INTS13: variants seen among roughly 807,000 people sequenced by gnomAD.
The protein encoded by INTS13 is integrator complex subunit 13, also known as asunder, spermatogenesis regulator homolog (Drosphila).
Under a neutral mutation model 90.2 loss-of-function variants are expected in INTS13, and 35 were observed. The ratio of observed to expected loss-of-function variants is 0.39; its 90% CI spans 0.30 to 0.51. The LOEUF (loss-of-function observed/expected upper bound fraction) is 0.51. INTS13 is among the 20% of genes least tolerant of loss of function. The pLI is 0.80. For synonymous variants in INTS13, 309 were observed against 277.1 expected, an observed-to-expected ratio of 1.11 and a Z score of -1.14; for missense variants, 601 against 851.2, an observed-to-expected ratio of 0.71 and a Z score of 3.66.
intron 2 of INTS13, 82 bp from the exon 3 acceptor site, chr12:26,934,712 G>T (rs1018203561): frequency 1.0e-6 from 1 of 1,000,792 alleles, no homozygotes; most frequent in Non-Finnish European, 1.6e-6. Flanking sequence ...TATGCAATTT[G>T]TAACACTGTT....
chr12:26,915,203 G>A (rs1046938693), intron 11 of INTS13, among the ~76,000 whole-genome samples: 1 of 152,106 alleles, frequency 6.6e-6, no homozygotes, highest in South Asian at 2.1e-4. Context: ...TCTAACCTGG[G>A]CAACAAGAGC....
intron 3 of INTS13, among the ~76,000 whole-genome samples, chr12:26,930,999 G>T (rs1938156871): frequency 1.3e-5 from 2 of 152,128 alleles, no homozygotes; most frequent in South Asian, 2.1e-4. Context: ...TACCTCAAAA[G>T]AATGAAAGGT....
At chr12:26,928,368 G>C in intron 4 of INTS13, 83 bp from the exon 5 acceptor site, 1 of 1,093,212 alleles carries the variant, frequency 9.1e-7, no homozygotes, top group Non-Finnish European at 1.4e-6. Flanking sequence ...CTTTAATATG[G>C]TGTTATAGAC....
intron 8 of INTS13, chr12:26,919,196 A>G (rs950158): frequency 0.51 from 80,078 of 156,130 alleles, 21,027 homozygotes; most frequent in East Asian, 0.79. Flanking sequence ...AGAAAAAAAA[A>G]AAGAAGAAGA....
At chr12:26,916,253 T>C (rs1951933013) in intron 10 of INTS13, 73 bp from the exon 11 acceptor site, 1 of 1,311,196 alleles carries the variant, frequency 7.6e-7, no homozygotes, top group African/African-American at 1.5e-5. Context: ...GAGATTTATG[T>C]CTAGATTTTT....
intron 3 of INTS13, among the ~76,000 whole-genome samples, chr12:26,934,222 G>C (rs1260169500): frequency 6.6e-6 from 1 of 152,172 alleles, no homozygotes; most frequent in Non-Finnish European, 1.5e-5. Flanking sequence ...AGTGAGCCGA[G>C]ATGGCGCAAT....
chr12:26,931,906 G>A (rs1938214297), intron 3 of INTS13, among the ~76,000 whole-genome samples: 1 of 152,056 alleles, frequency 6.6e-6, no homozygotes, highest in Admixed American at 6.6e-5. Context: ...GGCCAACATG[G>A]TGAAACCTCA....
At chr12:26,905,880 A>G (rs1951592548) in intron 16 of INTS13, among the ~76,000 whole-genome samples, 1 of 152,178 alleles carries the variant, frequency 6.6e-6, no homozygotes, top group Admixed American at 6.5e-5. Flanking sequence ...CACTAAATAA[A>G]TGTATTTCCA....
intron 12 of INTS13, 86 bp downstream of exon 12, chr12:26,914,322 T>C (rs1951871721): frequency 1.1e-5 from 15 of 1,348,716 alleles, no homozygotes; most frequent in Non-Finnish European, 1.5e-5. Context: ...GCTTAAGAAA[T>C]GGTATAAATT....
At chr12:26,924,813 C>T (rs987795456) in intron 6 of INTS13, among the ~76,000 whole-genome samples, 3 of 151,954 alleles carry the variant, frequency 2.0e-5, no homozygotes, top group Non-Finnish European at 4.4e-5. Context: ...GTCTTTTTAT[C>T]TATATGCAAA....
chr12:26,909,403 A>T (rs952902697), intron 15 of INTS13, among the ~76,000 whole-genome samples: 14 of 151,276 alleles, frequency 9.3e-5, no homozygotes, highest in African/African-American at 3.4e-4. Flanking sequence ...TGGACACACC[A>T]TTATTCAGTC....
In INTS13 at chr12:26,917,784, T is replaced by TTA. The variant is rs769986364; in HGVS notation, c.890-52_890-51insTA. 46 of 1,001,398 alleles carry TTA rather than the reference T, an allele frequency of 4.6e-5. 1 individual carries two copies. The South Asian group carries it at 5.8e-4, about 13-fold the overall frequency. The allele number at this position is 1,001,398 out of a possible 1,614,324, so 62.0% of individuals were successfully genotyped here. On this transcript the variant is annotated intron_variant, in intron 8 of 16. Coordinates refer to ENST00000261191, the MANE Select transcript of INTS13 (RefSeq NM_018164.3). ...CACATTGTATACATGTATCAAAACA[T>TTA]CACACTGTATCCCATAAATATGTAC... is the stretch of plus-strand genomic sequence containing the variant.
intron 14 of INTS13, among the ~76,000 whole-genome samples, chr12:26,912,256 T>C (rs1951799234): frequency 6.6e-6 from 1 of 152,006 alleles, no homozygotes; most frequent in South Asian, 2.1e-4. Context: ...GGCAACATGG[T>C]GAAACTCCAT....
At position 26,928,305 on chromosome 12, in the gene INTS13, T is replaced by G; in HGVS notation, c.504-20A>C. ...CTATCACTATGGCATAAAAAAGATA[T>G]AGCAAATTTAAAGGAATAAACAGTA... On this transcript the variant is annotated intron_variant, in intron 4 of 16. Coordinates refer to ENST00000261191, the MANE Select transcript of INTS13 (RefSeq NM_018164.3). 1 of 1,583,698 alleles carries G rather than the reference T, an allele frequency of 6.3e-7. No homozygotes were observed. Among genetic ancestry groups the G allele is most frequent in the East Asian group, 2.3e-5 (1 of 44,374 alleles).
intron 12 of INTS13, 61 bp from the exon 13 acceptor site, chr12:26,914,189 C>A: frequency 7.1e-7 from 1 of 1,414,798 alleles, no homozygotes; most frequent in Non-Finnish European, 9.5e-7. Flanking sequence ...ATCAAAACAT[C>A]TAGGCAGAAC....
intron 8 of INTS13, chr12:26,918,970 C>A: frequency 3.8e-6 from 1 of 262,782 alleles, no homozygotes; most frequent in South Asian, 3.2e-5. Flanking sequence ...AGGAAACTAG[C>A]CTGGGCAACA....
At chr12:26,907,794 AAGAC>A (rs1951653552) in intron 15 of INTS13, among the ~76,000 whole-genome samples, 1 of 152,242 alleles carries the variant, frequency 6.6e-6, no homozygotes, top group Non-Finnish European at 1.5e-5. Context: ...TTCACCCAAG[AAGAC>A]AGACAACAAA....
rs1162516752 is a variant in INTS13 at position 26,906,304 on chromosome 12, A to G, written c.2079T>C (p.Asn693=). Residue 693 remains asparagine, a splice_region_variant and synonymous_variant, in exon 16 of 17, where the codon AAT becomes AAC. Transcript: ENST00000261191. The stretch of plus-strand genomic sequence containing the variant: ...TTTTGACAATAAGTAACACAAACCC[A>G]TTTTCCTCTTTAAGATGTTGATATA... The part of the protein sequence containing the change: ...AELYQHLKEE[N]GMETTENGKA... 6.2e-7 allele frequency: 1 copy of G among 1,600,806 alleles called. No individual in the cohort carries two copies.
At chr12:26,909,478 T>C (rs1399867359) in intron 15 of INTS13, among the ~76,000 whole-genome samples, 1 of 149,744 alleles carries the variant, frequency 6.7e-6, no homozygotes, top group African/African-American at 2.5e-5. Flanking sequence ...TACTCTTTTT[T>C]TTTTTTTTTT....
Sources: allele counts gnomAD v4.1 joint callset (sites outside exome capture counted in the v4.1 genomes callset), GRCh38; gene constraint gnomAD v4.1.1; transcripts MANE v1.5; gene names NCBI Gene and HGNC (gene_info 2026-07-23, HGNC 2026-07-21).